The following ELAPOR2 variants were observed in gnomAD, a reference collection of about 807,000 sequenced individuals.
The protein encoded by ELAPOR2 is endosome/lysosome-associated apoptosis and autophagy regulator family member 2.
Under a neutral mutation model 120.7 loss-of-function variants are expected in ELAPOR2, and 89 were observed. That is an observed-to-expected ratio of 0.74 (90% CI 0.62 to 0.88). ELAPOR2 has a LOEUF of 0.88. Among genes scored for constraint, ELAPOR2 ranks in the 40% least tolerant of loss-of-function variants. ELAPOR2 has a pLI of 0.00. For missense variants in ELAPOR2, 1,134 were observed against 1,251.6 expected (o/e 0.91, Z 1.42); for synonymous variants, 444 against 444.9 (o/e 1.00, Z 0.03).
Position 86,938,106 on chromosome 7 carries a change from T to G in ELAPOR2, c.1089+20A>C. On this transcript the variant is annotated intron_variant, in intron 8 of 21. Coordinates refer to ENST00000450689, the MANE Select transcript of ELAPOR2 (RefSeq NM_001142749.3). ...AGGTTGCAAAAATATGGGATGGAGT[T>G]GATGCAACACTGCTGGTACCTTTCC... 1 of 1,533,988 alleles carries G rather than the reference T, an allele frequency of 6.5e-7. No homozygotes were observed. The highest frequency in any genetic ancestry group is 8.8e-7 in the Non-Finnish European group (1 of 1,132,190).
chr7:86,944,826 G>A, intron 4 of ELAPOR2, 73 bp downstream of exon 4: 1 of 1,269,380 alleles, frequency 7.9e-7, no homozygotes, highest in Non-Finnish European at 1.1e-6. Flanking sequence ...AAAGTGGAAT[G>A]GGAACAACTG....
In ELAPOR2 at chr7:86,953,115, A is replaced by T. The variant is rs1341637614; in HGVS notation, c.311-5193T>A. The stretch of plus-strand genomic sequence containing the variant: ...TGTCAAAAAAAAAAAAAAAAAACCC[A>T]CACAATTATTGATAGTTTAATTCAG... On this transcript the variant is annotated intron_variant, in intron 2 of 21. Transcript: ENST00000450689. Among the ~76,000 whole-genome samples, 3 of 150,272 alleles carry T rather than the reference A, an allele frequency of 2.0e-5. No individual in the cohort carries two copies. The Admixed American group carries it at 2.0e-4, about 10-fold the overall frequency.
chr7:87,028,354 C>G (rs1252202294), intron 1 of ELAPOR2, among the ~76,000 whole-genome samples: 1 of 151,998 alleles, frequency 6.6e-6, no homozygotes, highest in African/African-American at 2.4e-5. Flanking sequence ...TGATTTCATC[C>G]ATCAACCCTC....
intron 1 of ELAPOR2, among the ~76,000 whole-genome samples, chr7:86,998,506 C>T (rs1793200417): frequency 6.6e-6 from 1 of 152,178 alleles, no homozygotes; most frequent in Non-Finnish European, 1.5e-5. Flanking sequence ...CTGAGTTTCT[C>T]AACAGTGAAA....
chr7:86,897,221 T>C (rs1323811161), intron 19 of ELAPOR2, among the ~76,000 whole-genome samples: 2 of 152,116 alleles, frequency 1.3e-5, no homozygotes, highest in African/African-American at 2.4e-5. Flanking sequence ...ACCTACATTA[T>C]GTAAATCACA....
chr7:86,925,673 G>A lies in ELAPOR2; in HGVS notation c.1271-17C>T, dbSNP rs764332043. 1.9e-6 allele frequency: 3 copies of A among 1,609,710 alleles called. No individual in the cohort carries two copies. Among genetic ancestry groups the A allele is most frequent in the Non-Finnish European group, 2.5e-6 (3 of 1,177,148 alleles). ...GTCTACATTCTACAGGAGACAAGTAGGGTCAACAATTAAAATTAAACTGCA... is the reference window on the plus strand; with the variant it reads ...GTCTACATTCTACAGGAGACAAGTAAGGTCAACAATTAAAATTAAACTGCA... On this transcript the variant is annotated splice_polypyrimidine_tract_variant and intron_variant, in intron 9 of 21. Coordinates refer to ENST00000450689, the MANE Select transcript of ELAPOR2 (RefSeq NM_001142749.3).
intron 1 of ELAPOR2, among the ~76,000 whole-genome samples, chr7:86,992,040 A>G (rs1792959882): frequency 6.6e-6 from 1 of 152,272 alleles, no homozygotes; most frequent in African/African-American, 2.4e-5. Context: ...AAAGCAAATT[A>G]CATCATATGC....
intron 1 of ELAPOR2, among the ~76,000 whole-genome samples, chr7:87,048,337 G>A (rs111778381): frequency 0.04 from 6,160 of 152,132 alleles, 176 homozygotes; most frequent in Non-Finnish European, 0.061. Flanking sequence ...CAACAACATG[G>A]ATAGAACTGG....
intron 18 of ELAPOR2, among the ~76,000 whole-genome samples, chr7:86,901,954 G>C (rs895897091): frequency 2.6e-5 from 4 of 152,188 alleles, no homozygotes; most frequent in African/African-American, 4.8e-5. Flanking sequence ...AATTGTTTGT[G>C]AATGTGTCTT....
In ELAPOR2 at chr7:86,926,798, T is replaced by A. The variant is rs1308423398; in HGVS notation, c.1208A>T (p.Tyr403Phe). Reference protein sequence around the residue: ...KDCPPCNPGFYNNGSSSCHPC... With the variant: ...KDCPPCNPGFFNNGSSSCHPC... ...ATGGCAAGAAGATGATCCATTGTTA[T>A]AAAATCCAGGGTTGCAAGGCGGACA... Residue 403 changes from tyrosine (Y) to phenylalanine (F), a missense_variant, in exon 9 of 22, where the codon TAT becomes TTT. Coordinates refer to ENST00000450689, the MANE Select transcript of ELAPOR2 (RefSeq NM_001142749.3). 3 of 1,611,442 alleles carry A rather than the reference T, an allele frequency of 1.9e-6. No homozygotes were observed. The highest frequency in any genetic ancestry group is 2.5e-6 in the Non-Finnish European group (3 of 1,178,914).
chr7:87,043,238 G>A (rs1367027595), intron 1 of ELAPOR2, among the ~76,000 whole-genome samples: 6 of 151,328 alleles, frequency 4.0e-5, no homozygotes, highest in Non-Finnish European at 2.9e-5. Context: ...AGAAAAAGAG[G>A]GAATCCTCCC....
intron 15 of ELAPOR2, 96 bp downstream of exon 15, chr7:86,911,976 T>C: frequency 4.1e-6 from 5 of 1,218,312 alleles, no homozygotes; most frequent in Non-Finnish European, 5.8e-6. Flanking sequence ...ACTTGGTTGA[T>C]ATCCATAGAG....
chr7:86,996,444 A>T (rs1396752224), intron 1 of ELAPOR2, among the ~76,000 whole-genome samples: 1 of 152,186 alleles, frequency 6.6e-6, no homozygotes, highest in African/African-American at 2.4e-5. Flanking sequence ...ATATTTGAGG[A>T]ACAAAATGGC....
intron 1 of ELAPOR2, among the ~76,000 whole-genome samples, chr7:86,991,768 C>A (rs895847638): frequency 1.3e-5 from 2 of 152,166 alleles, no homozygotes; most frequent in Non-Finnish European, 2.9e-5. Context: ...ACCTCAGCAT[C>A]CAAGGTGGCT....
At chr7:86,982,283 G>T (rs1792528467) in intron 1 of ELAPOR2, among the ~76,000 whole-genome samples, 1 of 152,264 alleles carries the variant, frequency 6.6e-6, no homozygotes, top group South Asian at 2.1e-4. Flanking sequence ...AAATGGCCCT[G>T]TCTGACAGCT....
chr7:86,902,161 C>CT (rs958230414), intron 18 of ELAPOR2, among the ~76,000 whole-genome samples: 33 of 150,678 alleles, frequency 2.2e-4, no homozygotes, highest in Non-Finnish European at 3.7e-4. Context: ...TCTCTGGAGT[C>CT]TTTTTTTGTT....
At chr7:86,985,241 A>C (rs180887489) in intron 1 of ELAPOR2, among the ~76,000 whole-genome samples, 31 of 152,344 alleles carry the variant, frequency 2.0e-4, no homozygotes, top group African/African-American at 7.5e-4. Context: ...AGATGGATTC[A>C]CAGCCAAATT....
intron 1 of ELAPOR2, among the ~76,000 whole-genome samples, chr7:87,042,133 G>A: frequency 6.8e-6 from 1 of 147,784 alleles, no homozygotes; most frequent in African/African-American, 2.5e-5. Context: ...GACCTACAAA[G>A]AGACTTAGAC....
chr7:87,008,789 G>A (rs182763006), intron 1 of ELAPOR2, among the ~76,000 whole-genome samples: 3 of 152,334 alleles, frequency 2.0e-5, no homozygotes, highest in African/African-American at 7.2e-5. Flanking sequence ...GAGAGAGAAT[G>A]AGAATAAGAA....
Sources: gnomAD v4.1 joint callset for allele counts (sites outside exome capture counted in the v4.1 genomes callset) on GRCh38, gnomAD v4.1.1 for gene constraint, MANE v1.5 for transcripts, NCBI Gene and HGNC (gene_info 2026-07-23, HGNC 2026-07-21) for gene names.